The following ITFG1 variants were observed in gnomAD, a reference collection of about 807,000 sequenced individuals.
ITFG1 encodes the protein T-cell immunomodulatory protein.
ITFG1 carries 34 observed loss-of-function variants against 81.8 expected under a neutral mutation model. The ratio of observed to expected loss-of-function variants is 0.42; its 90% CI spans 0.32 to 0.55. The LOEUF is 0.55. Among genes scored for constraint, ITFG1 ranks in the 20% least tolerant of loss-of-function variants. ITFG1 has a pLI of 0.17. For synonymous variants in ITFG1, 285 were observed against 270.6 expected (o/e 1.05, Z -0.52); for missense variants, 672 against 755.4 (o/e 0.89, Z 1.29).
chr16:47,157,472 A>G (rs1964730018), intron 17 of ITFG1: 1 of 152,178 alleles, frequency 6.6e-6, no homozygotes, highest in Admixed American at 6.5e-5. Context: ...GCCACTGCAT[A>G]ATTATTGTTA....
chr16:47,238,177 T>C (rs1384255608), intron 12 of ITFG1, 169 bp from the exon 13 acceptor site: 1 of 517,980 alleles, frequency 1.9e-6, no homozygotes, highest in African/African-American at 2.1e-5. Context: ...GTTCACTTTA[T>C]ACCAATATTT....
chr16:47,251,195 C>G (rs188330968), intron 12 of ITFG1, among the ~76,000 whole-genome samples: 7 of 152,192 alleles, frequency 4.6e-5, no homozygotes, highest in Non-Finnish European at 1.0e-4. Flanking sequence ...TCGACACCCT[C>G]GGTTGAGGCC....
chr16:47,308,091 A>G (rs1273007618), intron 10 of ITFG1, among the ~76,000 whole-genome samples: 1 of 152,240 alleles, frequency 6.6e-6, no homozygotes, highest in Non-Finnish European at 1.5e-5. Flanking sequence ...TATTGTGAAT[A>G]GTGCCGCAAT....
At chr16:47,218,640 A>G (rs965735089) in intron 14 of ITFG1, 5 of 273,718 alleles carry the variant, frequency 1.8e-5, no homozygotes, top group African/African-American at 1.1e-4. Context: ...AATAAGGATA[A>G]TGAGTTGGCT....
At chr16:47,325,416 T>C (rs1455998586) in intron 8 of ITFG1, among the ~76,000 whole-genome samples, 2 of 151,932 alleles carry the variant, frequency 1.3e-5, no homozygotes, top group Non-Finnish European at 2.9e-5. Flanking sequence ...TTAAAAGAAC[T>C]AGAGAAGCAA....
rs529009267 is a variant in ITFG1 at position 47,183,074 on chromosome 16, C to T, written c.1454-20410G>A. Reference sequence around the variant, plus strand: ...GCGCTTTTCCGACGGGCTTAAAAAACGGCGCACAAGAGATTATATCCCGCA... The same window carrying T: ...GCGCTTTTCCGACGGGCTTAAAAAATGGCGCACAAGAGATTATATCCCGCA... On this transcript the variant is annotated intron_variant, in intron 14 of 17. Transcript: ENST00000320640. 1.5e-4 allele frequency among the ~76,000 whole-genome samples: 23 copies of T among 152,332 alleles called. No individual in the cohort carries two copies. In the East Asian group the frequency reaches 1.9e-3, roughly 13 times the overall value.
At chr16:47,401,138 G>T (rs369725929) in intron 6 of ITFG1, among the ~76,000 whole-genome samples, 1 of 152,124 alleles carries the variant, frequency 6.6e-6, no homozygotes, top group Non-Finnish European at 1.5e-5. Context: ...TTTTTAGGAG[G>T]GGGTATCAGG....
intron 14 of ITFG1, among the ~76,000 whole-genome samples, chr16:47,171,904 T>C (rs2151510203): frequency 6.6e-6 from 1 of 152,336 alleles, no homozygotes; most frequent in East Asian, 1.9e-4. Flanking sequence ...TTAATGTCTT[T>C]ATTTGCACAG....
chr16:47,188,496 A>G (rs969396791), intron 14 of ITFG1, among the ~76,000 whole-genome samples: 1 of 151,136 alleles, frequency 6.6e-6, no homozygotes, highest in Non-Finnish European at 1.5e-5. Context: ...CATCATTCTC[A>G]GTAAACTATT....
intron 12 of ITFG1, among the ~76,000 whole-genome samples, chr16:47,244,602 TGTGTGTG>T (rs1965976437): frequency 6.0e-5 from 1 of 16,692 alleles, no homozygotes; most frequent in Non-Finnish European, 1.5e-4. Flanking sequence ...TGTGTGTGTG[TGTGTGTG>T]TGTGTGTGTG....
At chr16:47,233,041 A>G (rs1965833726) in intron 13 of ITFG1, among the ~76,000 whole-genome samples, 1 of 152,242 alleles carries the variant, frequency 6.6e-6, no homozygotes, top group Non-Finnish European at 1.5e-5. Flanking sequence ...CACCAGATAC[A>G]CTGATAAAAG....
intron 8 of ITFG1, among the ~76,000 whole-genome samples, chr16:47,346,234 A>T (rs1457716727): frequency 6.6e-6 from 1 of 152,232 alleles, no homozygotes; most frequent in Non-Finnish European, 1.5e-5. Flanking sequence ...TGTATCAGGT[A>T]TTGTTTCCAA....
chr16:47,274,223 C>T (rs1966374158), intron 10 of ITFG1, among the ~76,000 whole-genome samples: 1 of 151,964 alleles, frequency 6.6e-6, no homozygotes, highest in East Asian at 1.9e-4. Context: ...CGCCATTGCA[C>T]TCCAGCCTGG....
At chr16:47,434,253 C>T (rs929116282) in intron 5 of ITFG1, among the ~76,000 whole-genome samples, 1 of 151,732 alleles carries the variant, frequency 6.6e-6, no homozygotes, top group African/African-American at 2.4e-5. Flanking sequence ...AAGAAACTAT[C>T]ATCAGGGTGA....
At chr16:47,409,402 ATATTTTTTTTTTTTTT>A (rs1444348802) in intron 6 of ITFG1, among the ~76,000 whole-genome samples, 1 of 8,780 alleles carries the variant, frequency 1.1e-4, no homozygotes, top group Non-Finnish European at 2.2e-4. Context: ...ATATATATAT[ATATTTTTTTTTTTTTT>A]TTTTTTTTTT....
intron 8 of ITFG1, among the ~76,000 whole-genome samples, chr16:47,345,238 T>A (rs772826646): frequency 2.0e-5 from 3 of 151,476 alleles, no homozygotes; most frequent in Non-Finnish European, 4.4e-5. Flanking sequence ...TGAAATACAC[T>A]AACACTAATG....
intron 8 of ITFG1, among the ~76,000 whole-genome samples, chr16:47,349,265 C>G (rs932070686): frequency 6.6e-6 from 1 of 152,086 alleles, no homozygotes; most frequent in African/African-American, 2.4e-5. Context: ...CACGGACTGG[C>G]AAATTGGATA....
rs1334778387 is a variant in ITFG1 at position 47,375,867 on chromosome 16, A to T, written c.720+9T>A. On this transcript the variant is annotated intron_variant, in intron 7 of 17. Transcript: ENST00000320640. ...CATTTTAAAATGCTTCAAGGAAAAGATTTCTTACCAAATTTTCCCATATTT... is the reference window on the plus strand; with the variant it reads ...CATTTTAAAATGCTTCAAGGAAAAGTTTTCTTACCAAATTTTCCCATATTT... 1.9e-6 allele frequency: 3 copies of T among 1,548,792 alleles called. No individual in the cohort carries two copies. Among genetic ancestry groups the T allele is most frequent in the Non-Finnish European group, 2.7e-6 (3 of 1,120,868 alleles).
At chr16:47,216,096 A>G (rs1000631077) in intron 14 of ITFG1, among the ~76,000 whole-genome samples, 1 of 152,236 alleles carries the variant, frequency 6.6e-6, no homozygotes. Flanking sequence ...GCTTAAAAAA[A>G]TAGTAATGGG....
Sources: allele counts gnomAD v4.1 joint callset (sites outside exome capture counted in the v4.1 genomes callset), GRCh38; gene constraint gnomAD v4.1.1; transcripts MANE v1.5; gene names NCBI Gene and HGNC (gene_info 2026-07-23, HGNC 2026-07-21).